The following ARHGEF6 variants were observed in gnomAD, a reference collection of about 807,000 sequenced individuals.
ARHGEF6 encodes Rac/Cdc42 guanine nucleotide exchange factor 6.
ARHGEF6 carries 9 observed loss-of-function variants against 70.3 expected under a neutral mutation model. That is an observed-to-expected ratio of 0.13 (90% CI 0.08 to 0.22). The LOEUF is 0.22. ARHGEF6 is among the 10% of genes least tolerant of loss of function. The pLI, the probability that ARHGEF6 is intolerant of heterozygous loss-of-function variation, is 1.00. For synonymous variants in ARHGEF6, 201 were observed against 207.8 expected (o/e 0.97, Z 0.28); for missense variants, 470 against 563.0 (o/e 0.83, Z 1.67).
chrX:136,775,077 A>G (rs1182353131), intron 2 of ARHGEF6, among the ~76,000 whole-genome samples: 2 of 111,359 alleles, frequency 1.8e-5, no homozygotes, highest in African/African-American at 6.5e-5. Context: ...GGGCCTTTAC[A>G]TATATGAATT....
rs2076314308 is a variant in ARHGEF6, at chrX:136,679,664, G to A, written c.1705-4C>T. On this transcript the variant is annotated splice_region_variant and splice_polypyrimidine_tract_variant and intron_variant, in intron 15 of 21. Transcript: ENST00000250617. ...GCTGTCCGGTAGAGCTAAAAGACTG[G>A]GAAAATGTCTGATGAGATGTTGGCA... 8.3e-7 allele frequency: 1 copy of A among 1,209,853 alleles called. No individual in the cohort carries two copies. The highest frequency in any genetic ancestry group is 1.7e-5 in the African/African-American group (1 of 57,225).
At chrX:136,668,910 C>G (rs2076192983) in intron 21 of ARHGEF6, among the ~76,000 whole-genome samples, 1 of 111,517 alleles carries the variant, frequency 9.0e-6, no homozygotes, top group Non-Finnish European at 1.9e-5. Flanking sequence ...TAGGTTCAAA[C>G]TCTGCAGTAT....
chrX:136,674,073 C>T (rs1197209643), intron 19 of ARHGEF6, among the ~76,000 whole-genome samples: 5 of 111,850 alleles, frequency 4.5e-5, no homozygotes, highest in Non-Finnish European at 5.6e-5. Flanking sequence ...TCCCATATTG[C>T]CCAGGCTGGT....
intron 9 of ARHGEF6, among the ~76,000 whole-genome samples, chrX:136,695,890 G>A (rs766346350): frequency 1.8e-5 from 2 of 111,944 alleles, no homozygotes; most frequent in Non-Finnish European, 3.8e-5. Context: ...TAGTGGGTAC[G>A]TGGATGTACT....
intron 6 of ARHGEF6, among the ~76,000 whole-genome samples, chrX:136,714,677 G>C (rs765186442): frequency 8.0e-5 from 9 of 111,842 alleles, no homozygotes; most frequent in Non-Finnish European, 1.7e-4. Flanking sequence ...CTTTTGAAAG[G>C]TGGAATGGTC....
At chrX:136,773,311 G>T (rs1569425929) in intron 2 of ARHGEF6, among the ~76,000 whole-genome samples, 1 of 111,881 alleles carries the variant, frequency 8.9e-6, no homozygotes, top group Non-Finnish European at 1.9e-5. Flanking sequence ...AAATCTATTA[G>T]GTATGTCCTA....
intron 9 of ARHGEF6, among the ~76,000 whole-genome samples, chrX:136,698,911 G>A (rs1439825636): frequency 8.9e-6 from 1 of 111,825 alleles, no homozygotes; most frequent in African/African-American, 3.2e-5. Flanking sequence ...ATTGGCCAAA[G>A]CAAAATTTTA....
In ARHGEF6 at chrX:136,754,155, T is replaced by C. The variant is rs1451849127; in HGVS notation, c.250-6563A>G. Among the ~76,000 whole-genome samples the C allele has an allele frequency of 2.7e-5, 3 of 111,971 alleles. No homozygotes were observed. In the Admixed American group the frequency reaches 2.8e-4, roughly 11 times the overall value. The stretch of plus-strand genomic sequence containing the variant: ...TCCCATTCTTCCTTGTTAGCACTCC[T>C]ATAGGGGAGAACCCCTTTCTCTATA... On this transcript the variant is annotated intron_variant, in intron 2 of 21. Transcript: ENST00000250617.
rs1603336602 is a variant in ARHGEF6, at chrX:136,685,625, A to T, written c.1392+52T>A. The stretch of plus-strand genomic sequence containing the variant: ...CCGTCAAAAAAAAAAAAAAAAAAGG[A>T]AGAAAAATACGAAAGATGGAAGAAA... On this transcript the variant is annotated intron_variant, in intron 12 of 21. Coordinates refer to ENST00000250617, the MANE Select transcript of ARHGEF6 (RefSeq NM_004840.3). 17 of 1,138,443 alleles carry T rather than the reference A, an allele frequency of 1.5e-5. No homozygotes were observed. In the East Asian group the frequency reaches 5.1e-4, roughly 34 times the overall value. The allele number at this position is 1,138,443 out of a possible 1,213,427, so 93.8% of individuals were successfully genotyped here. A position where few individuals can be genotyped will look rare whatever the true frequency, so the allele number is the denominator to read the frequency against.
intron 2 of ARHGEF6, among the ~76,000 whole-genome samples, chrX:136,771,320 C>T (rs1469946504): frequency 8.9e-6 from 1 of 112,227 alleles, no homozygotes; most frequent in Admixed American, 9.4e-5. Flanking sequence ...TCTCAGCTGG[C>T]CTTTTTTGTA....
At chrX:136,669,079 T>C (rs1453085374) in intron 21 of ARHGEF6, among the ~76,000 whole-genome samples, 2 of 111,480 alleles carry the variant, frequency 1.8e-5, no homozygotes, top group African/African-American at 6.5e-5. Context: ...TGTCACCAGA[T>C]ACAGTCAGTC....
intron 5 of ARHGEF6, among the ~76,000 whole-genome samples, chrX:136,736,627 G>A (rs613151): frequency 4.6e-5 from 3 of 65,249 alleles, no homozygotes; most frequent in African/African-American, 1.8e-4. Flanking sequence ...AGGTGTGTGT[G>A]TGTGTGTGTG....
chrX:136,706,937 A>G lies in ARHGEF6; in HGVS notation c.1017T>C (p.Pro339=). ...SMYLAYCANH[P]SAVNVLTQHS... ...GCTGAGTGAGCACATTTACAGCTGA[A>G]GGATGGTTTGCACAGTAAGCCAGAT... is the stretch of plus-strand genomic sequence containing the variant. Residue 339 remains proline (P), a synonymous_variant, in exon 9 of 22, where the codon CCT becomes CCC. Transcript: ENST00000250617. 1 of 1,211,921 alleles carries G rather than the reference A, an allele frequency of 8.3e-7. No homozygotes were observed. The highest frequency in any genetic ancestry group is 1.1e-6 in the Non-Finnish European group (1 of 895,452).
intron 6 of ARHGEF6, among the ~76,000 whole-genome samples, chrX:136,726,484 A>C (rs2076854028): frequency 8.9e-6 from 1 of 112,097 alleles, no homozygotes; most frequent in African/African-American, 3.2e-5. Context: ...AGAATTAAAA[A>C]GGTGGGTGAG....
intron 2 of ARHGEF6, among the ~76,000 whole-genome samples, chrX:136,774,643 T>A: frequency 1.5e-5 from 1 of 67,694 alleles, no homozygotes; most frequent in African/African-American, 6.2e-5. Flanking sequence ...AGAGCAAAAC[T>A]CTGTCTCAAA....
intron 11 of ARHGEF6, among the ~76,000 whole-genome samples, chrX:136,686,594 GTATATATA>G (rs770923374): frequency 1.4e-4 from 8 of 57,122 alleles, no homozygotes; most frequent in African/African-American, 3.6e-4. Flanking sequence ...GTATGTGTGT[GTATATATA>G]TATATATATA....
At chrX:136,695,714 A>G (rs1356179559) in intron 9 of ARHGEF6, among the ~76,000 whole-genome samples, 1 of 112,396 alleles carries the variant, frequency 8.9e-6, no homozygotes, top group South Asian at 3.6e-4. Context: ...TCTGTGAATC[A>G]TTTTTTCTTT....
At chrX:136,706,042 T>C (rs1000688293) in intron 9 of ARHGEF6, among the ~76,000 whole-genome samples, 1 of 112,116 alleles carries the variant, frequency 8.9e-6, no homozygotes, top group African/African-American at 3.2e-5. Context: ...TCTCTATATG[T>C]TGGACTTGCT....
At chrX:136,673,277 G>A (rs763517906) in intron 19 of ARHGEF6, among the ~76,000 whole-genome samples, 1 of 111,640 alleles carries the variant, frequency 9.0e-6, no homozygotes, top group South Asian at 3.8e-4. Context: ...CCAATCCCCT[G>A]CAGATACCAA....
Sources: gnomAD v4.1 joint callset for allele counts (sites outside exome capture counted in the v4.1 genomes callset) on GRCh38, gnomAD v4.1.1 for gene constraint, MANE v1.5 for transcripts, NCBI Gene and HGNC (gene_info 2026-07-23, HGNC 2026-07-21) for gene names.